Variants in PSG7 observed in about 807,000 individuals in gnomAD.
The protein encoded by PSG7 is pregnancy-specific beta-1-glycoprotein 7.
Under a neutral mutation model 45.6 loss-of-function variants are expected in PSG7, and 57 were observed. The ratio of observed to expected loss-of-function variants is 1.25; its 90% CI spans 1.01 to 1.56. PSG7 has a LOEUF of 1.56. Ranked by LOEUF, PSG7 falls within the 40% of genes most tolerant of loss-of-function variation. The pLI is 0.00. For synonymous variants in PSG7, 298 were observed against 194.4 expected (o/e 1.53, Z -4.43); for missense variants, 796 against 508.4 (o/e 1.57, Z -5.44).
At chr19:42,928,608 A>C (rs11083666) in intron 3 of PSG7, among the ~76,000 whole-genome samples, 26,102 of 151,266 alleles carry the variant, frequency 0.17, 3,071 homozygotes, top group East Asian at 0.42. Flanking sequence ...TATAGTCTGA[A>C]GAATGATCTA....
chr19:42,931,558 C>T (rs1385072654), intron 2 of PSG7, among the ~76,000 whole-genome samples: 2 of 151,596 alleles, frequency 1.3e-5, no homozygotes, highest in Non-Finnish European at 1.5e-5. Flanking sequence ...ATGCTTTCTT[C>T]ATTTTCTCTT....
chr19:42,933,188 A>C (rs1322711927), intron 2 of PSG7, among the ~76,000 whole-genome samples: 2 of 141,126 alleles, frequency 1.4e-5, no homozygotes, highest in Non-Finnish European at 3.1e-5. Context: ...GGCTGATTTG[A>C]GTAATAATAA....
intron 3 of PSG7, 187 bp from the exon 4 acceptor site, chr19:42,926,903 C>T: frequency 2.6e-6 from 3 of 1,157,088 alleles, no homozygotes; most frequent in Non-Finnish European, 2.4e-6. Context: ...AGGCCACCTG[C>T]TCAGTCTTAG....
intron 2 of PSG7, among the ~76,000 whole-genome samples, chr19:42,933,308 T>TATATATATATATCTATATA (rs1555745220): frequency 8.5e-5 from 1 of 11,814 alleles, no homozygotes; most frequent in African/African-American, 2.1e-4. Context: ...TATATATATA[T>TATATATATATATCTATATA]TTTTTTTTTT....
In PSG7 at chr19:42,929,518, A is replaced by G. The variant is rs377528513; in HGVS notation, c.633T>C (p.Thr211=). The G allele has an allele frequency of 3.4e-4, 545 of 1,612,606 alleles. 13 individuals carry two copies. Among genetic ancestry groups the G allele is most frequent in the Admixed American group, 7.3e-4 (44 of 59,900 alleles). The change falls in exon 3 of 6, where the codon ACT becomes ACC. Residue 211 remains threonine, a synonymous_variant. Transcript: ENST00000406070. ...TLYLFGVTNY[T]AGPYECEIRN... Reference sequence around the variant, plus strand: ...GTATTTCACATTCATAGGGTCCTGCAGTATAGTTTGTGACACCAAATAGGT... The same window carrying G: ...GTATTTCACATTCATAGGGTCCTGCGGTATAGTTTGTGACACCAAATAGGT...
At chr19:42,934,395 G>A (rs957098716) in intron 2 of PSG7, among the ~76,000 whole-genome samples, 2 of 151,332 alleles carry the variant, frequency 1.3e-5, no homozygotes, top group African/African-American at 4.9e-5. Flanking sequence ...TGGAGGAGAG[G>A]ATGGGCCTGT....
rs1462148959 is a variant in PSG7 at position 42,929,448 on chromosome 19, G to C, written c.703C>G (p.Leu235Val). The C allele has an allele frequency of 5.6e-6, 9 of 1,612,462 alleles. No homozygotes were observed. The highest frequency in any genetic ancestry group is 3.3e-4 in the Middle Eastern group (2 of 6,060). The stretch of plus-strand genomic sequence containing the variant: ...AGGAACAGAAGATACTCACGGAGGA[G>C]ATTCAGGGTGACTGGGTCACTGCGG... ...ASRSDPVTLN[L>V]LPKLPKPYIT... is the part of the protein sequence containing the mutation. Residue 235 changes from leucine to valine, a missense_variant, in exon 3 of 6, where the codon CTC becomes GTC. Physicochemically the swap from Leu to Val is conservative, Grantham distance 32. Transcript: ENST00000406070.
In PSG7 at chr19:42,933,837, C is replaced by CT. The variant is rs770152722; in HGVS notation, c.430+1566_430+1567insA. Among the ~76,000 whole-genome samples, 33 of 151,094 alleles carry CT rather than the reference C, an allele frequency of 2.2e-4. 1 individual carries two copies. The highest frequency in any genetic ancestry group is 2.8e-4 in the Non-Finnish European group (19 of 67,754). On this transcript the variant is annotated intron_variant, in intron 2 of 5. Transcript: ENST00000406070. ...AGGACCAAGGAGCCCTGAGAACCCT[C>CT]CGTGGCCAAAGAGCTTCAGAGTTAC...
chr19:42,931,231 A>T (rs1973012633), intron 2 of PSG7, among the ~76,000 whole-genome samples: 1 of 151,648 alleles, frequency 6.6e-6, no homozygotes, highest in South Asian at 2.1e-4. Flanking sequence ...TGATGGTCCA[A>T]ACATCTAAGA....
At chr19:42,933,303 ATATATTT>A (rs1488189042) in intron 2 of PSG7, among the ~76,000 whole-genome samples, 26 of 14,842 alleles carry the variant, frequency 1.8e-3, no homozygotes, top group Admixed American at 3.5e-3. Flanking sequence ...ATATATATAT[ATATATTT>A]TTTTTTTTTT....
In PSG7 at chr19:42,930,708, A is replaced by C. The variant is rs553295961; in HGVS notation, c.431-988T>G. The stretch of plus-strand genomic sequence containing the variant: ...TGAGTTTGACTACTCTATGTACCTC[A>C]TATCAGTGGATTCCAGAGTGAATCA... On this transcript the variant is annotated intron_variant, in intron 2 of 5. Coordinates refer to ENST00000406070, the MANE Select transcript of PSG7 (RefSeq NM_002783.3). 4.0e-4 allele frequency among the ~76,000 whole-genome samples: 60 copies of C among 151,548 alleles called. 1 individual carries two copies. Among genetic ancestry groups the C allele is most frequent in the African/African-American group, 1.4e-3 (56 of 41,228 alleles).
rs777761847 is a variant in PSG7 at position 42,926,022 on chromosome 19, G to A, written c.994C>T (p.Pro332Ser). ...DPVTLNVLYG[P>S]DLPRIYPSFT... is the part of the protein sequence containing the mutation. The stretch of plus-strand genomic sequence containing the variant: ...GAAGGGTAAATTCTGGGGAGGTCTG[G>A]ACCATCTGGAGGAAAGAGAATAAAG... Residue 332 changes from proline (P) to serine (S), a missense_variant, in exon 5 of 6, where the codon CCA becomes TCA. Transcript: ENST00000406070. The A allele has an allele frequency of 2.1e-5, 34 of 1,611,504 alleles. 1 individual carries two copies. Among genetic ancestry groups the A allele is most frequent in the African/African-American group, 2.7e-5 (2 of 74,604 alleles).
chr19:42,925,858 T>G lies in PSG7; in HGVS notation c.1158A>C (p.Thr386=), dbSNP rs369947427. The G allele has an allele frequency of 9.3e-6, 15 of 1,612,030 alleles. No homozygotes were observed. In the African/African-American group the frequency reaches 1.9e-4, roughly 20 times the overall value. Residue 386 remains threonine (T), a synonymous_variant, in exon 5 of 6, where the codon ACA becomes ACC. Transcript: ENST00000406070. The stretch of plus-strand genomic sequence containing the variant: ...AGCAAGCATAGAGCCCGCTATGCTT[T>G]GTAGTAATCTGGGGGATAGAAAGCT... ...GQKLSIPQIT[T]KHSGLYACSV... is the part of the protein sequence containing the mutation.
intron 3 of PSG7, among the ~76,000 whole-genome samples, chr19:42,928,449 T>C (rs1380226125): frequency 1.3e-5 from 2 of 151,678 alleles, no homozygotes; most frequent in East Asian, 3.9e-4. Context: ...GATATCATCT[T>C]TAATTTGTTT....
intron 3 of PSG7, among the ~76,000 whole-genome samples, chr19:42,928,818 T>A (rs1264125286): frequency 6.6e-6 from 1 of 151,446 alleles, no homozygotes; most frequent in African/African-American, 2.4e-5. Flanking sequence ...ATTATGAGAT[T>A]TGTTCCACCA....
At chr19:42,931,969 TC>T (rs1406774549) in intron 2 of PSG7, among the ~76,000 whole-genome samples, 3 of 151,632 alleles carry the variant, frequency 2.0e-5, no homozygotes, top group Non-Finnish European at 4.4e-5. Context: ...AGGTATTCTT[TC>T]CACAGCTGTG....
intron 4 of PSG7, 138 bp from the exon 5 acceptor site, chr19:42,926,165 G>T: frequency 6.9e-7 from 1 of 1,456,862 alleles, no homozygotes; most frequent in Non-Finnish European, 9.2e-7. Context: ...TGTTCACTGA[G>T]CCGAAGCCTG....
At chr19:42,928,875 TAGTGA>T (rs943614669) in intron 3 of PSG7, among the ~76,000 whole-genome samples, 17 of 151,558 alleles carry the variant, frequency 1.1e-4, no homozygotes, top group African/African-American at 4.1e-4. Flanking sequence ...CTATATGTTT[TAGTGA>T]ATTGGGGTAT....
chr19:42,925,057 T>C (rs1187961443), intron 5 of PSG7: 5 of 544,380 alleles, frequency 9.2e-6, no homozygotes, highest in South Asian at 8.4e-5. Context: ...GGCTCTCTTT[T>C]AAAATTTTCT....
Sources: gnomAD v4.1 joint callset for allele counts (sites outside exome capture counted in the v4.1 genomes callset) on GRCh38, gnomAD v4.1.1 for gene constraint, MANE v1.5 for transcripts, NCBI Gene and HGNC (gene_info 2026-07-23, HGNC 2026-07-21) for gene names.